DMBT1: variants seen among roughly 807,000 people sequenced by gnomAD.
The protein encoded by DMBT1 is scavenger receptor cysteine-rich domain-containing protein DMBT1.
In DMBT1, 198 loss-of-function variants were observed where a neutral mutation model predicts 252.9. The observed-to-expected ratio is 0.78, with a 90% CI of 0.70 to 0.88. The LOEUF (loss-of-function observed/expected upper bound fraction) is 0.88. Among genes scored for constraint, DMBT1 ranks in the 40% least tolerant of loss-of-function variants. The probability of loss-of-function intolerance (pLI) is 0.00; values close to 1 mark genes in which losing one functional copy is unlikely to be tolerated. For missense variants in DMBT1, 2,432 were observed against 2,404.7 expected (o/e 1.01, Z -0.24); for synonymous variants, 990 against 942.7 (o/e 1.05, Z -0.92).
At chr10:122,578,144 A>T (rs1187242448) in intron 8 of DMBT1, among the ~76,000 whole-genome samples, 1 of 152,190 alleles carries the variant, frequency 6.6e-6, no homozygotes, top group African/African-American at 2.4e-5. Flanking sequence ...TTCAGGGCTG[A>T]CACAACCTTT....
At chr10:122,573,620 C>A in intron 5 of DMBT1, 95 bp from the exon 6 acceptor site, 1 of 1,466,162 alleles carries the variant, frequency 6.8e-7, no homozygotes, top group Non-Finnish European at 9.5e-7. Context: ...AGGACCTGTG[C>A]TTCCAGCCCT....
intron 54 of DMBT1, among the ~76,000 whole-genome samples, chr10:122,637,630 T>C (rs2098237835): frequency 6.6e-6 from 1 of 152,176 alleles, no homozygotes; most frequent in Non-Finnish European, 1.5e-5. Flanking sequence ...CTGAAGCTTA[T>C]ACAGTTAGGG....
chr10:122,632,625 T>G (rs1209900902), intron 50 of DMBT1, among the ~76,000 whole-genome samples: 1 of 152,140 alleles, frequency 6.6e-6, no homozygotes, highest in Non-Finnish European at 1.5e-5. Context: ...GGGGCCAGAC[T>G]TCCAGGCTCC....
chr10:122,570,134 A>G (rs759070365), intron 2 of DMBT1, 28 bp from the exon 3 acceptor site: 18 of 1,579,500 alleles, frequency 1.1e-5, no homozygotes, highest in Non-Finnish European at 1.5e-5. Flanking sequence ...GGCTACCATC[A>G]ATGAGCTCTT....
rs1005615361 is a variant in DMBT1 at position 122,591,043 on chromosome 10, C to T, written c.2137+349C>T. Among the ~76,000 whole-genome samples the T allele has an allele frequency of 1.1e-4, 17 of 148,674 alleles. 1 individual carries two copies. The highest frequency in any genetic ancestry group is 4.1e-4 in the African/African-American group (17 of 41,120). On this transcript the variant is annotated intron_variant, in intron 18 of 55. Transcript: ENST00000338354. ...CGGCAGGGCCCCATCTACCTCCAGA[C>T]AGGCAGAGGCTGTGCTCAGGCAGGG...
rs771058853 is a variant in DMBT1, at chr10:122,629,469, C to T, written c.5669-371C>T. On this transcript the variant is annotated intron_variant, in intron 46 of 55. Coordinates refer to ENST00000338354, the MANE Select transcript of DMBT1 (RefSeq NM_001377530.1). ...ACACTGTGTTATGGAGTGCTCTCCA[C>T]GGGTCAGCACTGTGTTCAGCCAGGA... is the stretch of plus-strand genomic sequence containing the variant. 1.6e-4 allele frequency among the ~76,000 whole-genome samples: 25 copies of T among 152,328 alleles called. No homozygotes were observed. In the South Asian group the frequency reaches 3.9e-3, roughly 24 times the overall value.
chr10:122,571,349 A>C (rs1224932376), intron 4 of DMBT1, among the ~76,000 whole-genome samples: 1 of 152,162 alleles, frequency 6.6e-6, no homozygotes, highest in Non-Finnish European at 1.5e-5. Context: ...GATGAGCAGC[A>C]TCACGACAAC....
In DMBT1 at chr10:122,592,051, C is replaced by T. The variant is rs538395021; in HGVS notation, c.2177-221C>T. Among the ~76,000 whole-genome samples the T allele has an allele frequency of 2.0e-5, 3 of 148,712 alleles. 1 individual carries two copies. Among genetic ancestry groups the T allele is most frequent in the East Asian group, 2.1e-4 (1 of 4,816 alleles). On this transcript the variant is annotated intron_variant, in intron 19 of 55. Transcript: ENST00000338354. The stretch of plus-strand genomic sequence containing the variant: ...ATTCCTGTCACCTCCACTGGGGTCA[C>T]AGGCGCTTTCCCAAAATCTGAGCCT...
rs11499283 is a variant in DMBT1, at chr10:122,593,594, T to C, written c.2526T>C (p.Ser842=). The change falls in exon 21 of 56, where the codon AGT becomes AGC. Residue 842 remains serine (S), a synonymous_variant. Coordinates refer to ENST00000338354, the MANE Select transcript of DMBT1 (RefSeq NM_001377530.1). ...CSVSQSRPTP[S]PDTWPTSHAS... ...TTTCCCAGTCCCGGCCGACACCCAGTCCAGGTAGGTCCCCAGTGTCCTTCC... is the reference window on the plus strand; with the variant it reads ...TTTCCCAGTCCCGGCCGACACCCAGCCCAGGTAGGTCCCCAGTGTCCTTCC... 6,910 of 1,586,138 alleles carry C rather than the reference T, an allele frequency of 4.4e-3. 388 individuals carry two copies. In the African/African-American group the frequency reaches 0.066, roughly 15 times the overall value.
chr10:122,633,996 G>A (rs1402512505), intron 52 of DMBT1, among the ~76,000 whole-genome samples: 1 of 152,124 alleles, frequency 6.6e-6, no homozygotes, highest in Non-Finnish European at 1.5e-5. Context: ...AATTAGCTGG[G>A]TGTGGTGGCC....
chr10:122,631,804 C>T (rs1013758343), intron 49 of DMBT1, 51 bp from the exon 50 acceptor site: 23 of 1,609,134 alleles, frequency 1.4e-5, no homozygotes, highest in Admixed American at 6.7e-5. Flanking sequence ...TCCGGCCCCT[C>T]CTCCAAGCCA....
intron 52 of DMBT1, among the ~76,000 whole-genome samples, chr10:122,634,193 T>A (rs944388475): frequency 6.6e-6 from 1 of 152,148 alleles, no homozygotes; most frequent in Non-Finnish European, 1.5e-5. Context: ...GAACCCTTTT[T>A]CTCCACCCAT....
rs374889251 is a variant in DMBT1 at position 122,589,211 on chromosome 10, A to G, written c.2051A>G (p.Asn684Ser). The change falls in exon 17 of 56, where the codon AAT (asparagine) becomes AGT (serine). Residue 684 changes from asparagine (N) to serine (S), a missense_variant. Coordinates refer to ENST00000338354, the MANE Select transcript of DMBT1 (RefSeq NM_001377530.1). ...HESYLWSCPN[N>S]GWLSHNCGHH... is the part of the protein sequence containing the mutation. ...TCCTACCTGTGGAGCTGCCCCAACA[A>G]TGGCTGGCTCTCCCACAACTGTGGC... 261 of 1,588,278 alleles carry G rather than the reference A, an allele frequency of 1.6e-4. 18 individuals are homozygous for G. Among genetic ancestry groups the G allele is most frequent in the Non-Finnish European group, 2.1e-4 (248 of 1,165,712 alleles).
rs369113788 is a variant in DMBT1 at position 122,598,974 on chromosome 10, G to A, written c.3157G>A (p.Gly1053Arg). The change falls in exon 26 of 56, where the codon GGA becomes AGA. Residue 1053 changes from glycine (G) to arginine (R), a missense_variant. Gly to Arg is a moderately radical substitution (Grantham distance 125). Coordinates refer to ENST00000338354, the MANE Select transcript of DMBT1 (RefSeq NM_001377530.1). ...PGNARFGQGSGPIVLDDVRCS... is the reference protein window; with the variant it reads ...PGNARFGQGSRPIVLDDVRCS... ...AAATGCCCGGTTTGGTCAGGGCTCA[G>A]GACCCATTGTCCTGGATGATGTGCG... 1.2e-6 allele frequency: 2 copies of A among 1,613,800 alleles called. No homozygotes were observed. The highest frequency in any genetic ancestry group is 1.7e-6 in the Non-Finnish European group (2 of 1,179,736).
At chr10:122,580,041 T>G in intron 10 of DMBT1, 140 bp downstream of exon 10, 1 of 1,479,560 alleles carries the variant, frequency 6.8e-7, no homozygotes, top group Non-Finnish European at 9.0e-7. Flanking sequence ...CTGCTAAGAA[T>G]CCATATGTAC....
chr10:122,576,311 C>T (rs1159314174), intron 6 of DMBT1, 88 bp from the exon 7 acceptor site: 7 of 1,529,526 alleles, frequency 4.6e-6, no homozygotes, highest in Non-Finnish European at 6.2e-6. Context: ...AGATATCTGC[C>T]TATGGGGAAG....
chr10:122,576,816 C>G (rs2097716528), intron 7 of DMBT1, 94 bp downstream of exon 7: 3 of 1,508,846 alleles, frequency 2.0e-6, no homozygotes, highest in Non-Finnish European at 2.7e-6. Context: ...TGCTTGAGCT[C>G]AGGCGTTCAA....
chr10:122,593,836 T>A (rs2133595175), intron 21 of DMBT1, among the ~76,000 whole-genome samples: 1 of 145,176 alleles, frequency 6.9e-6, no homozygotes, highest in Admixed American at 6.9e-5. Flanking sequence ...AGTTTCATAC[T>A]GTCCCAGTGG....
chr10:122,598,476 T>C (rs924712669), intron 25 of DMBT1, among the ~76,000 whole-genome samples: 2 of 152,190 alleles, frequency 1.3e-5, no homozygotes, highest in Admixed American at 6.5e-5. Context: ...CTGCCTACTG[T>C]AGCTGTGTAG....
Sources: allele counts gnomAD v4.1 joint callset (sites outside exome capture counted in the v4.1 genomes callset), GRCh38; gene constraint gnomAD v4.1.1; transcripts MANE v1.5; gene names NCBI Gene and HGNC (gene_info 2026-07-23, HGNC 2026-07-21).